KLHL30: variants seen among roughly 807,000 people sequenced by gnomAD.
The protein encoded by KLHL30 is kelch like family member 30.
KLHL30 carries 55 observed loss-of-function variants against 55.0 expected under a neutral mutation model. The ratio of observed to expected loss-of-function variants is 1.00; its 90% CI spans 0.80 to 1.25. KLHL30 has a LOEUF of 1.25. KLHL30 is among the 50% of genes most tolerant of loss of function. The pLI is 0.00. For missense variants in KLHL30, 786 were observed against 811.6 expected (o/e 0.97, Z 0.38); for synonymous variants, 356 against 372.6 (o/e 0.96, Z 0.51).
intron 1 of KLHL30, among the ~76,000 whole-genome samples, chr2:238,139,415 T>C (rs1190700355): frequency 6.6e-6 from 1 of 151,984 alleles, no homozygotes; most frequent in Non-Finnish European, 1.5e-5. Context: ...ATGCATGCAG[T>C]GTTGGGTGGG....
rs779828832 is a variant in KLHL30 at position 238,141,262 on chromosome 2, G to C, written c.508G>C (p.Glu170Gln). The change falls in exon 2 of 8, where the codon GAG becomes CAG. Residue 170 changes from glutamate to glutamine, a missense_variant. Glu to Gln is a conservative substitution (Grantham distance 29). Transcript: ENST00000409223. ...CTTTGAGGCTGTGGCACGTGAGGACGAGTTCCTGCAGCTTCCCCGAGAGCG... is the reference window on the plus strand; with the variant it reads ...CTTTGAGGCTGTGGCACGTGAGGACCAGTTCCTGCAGCTTCCCCGAGAGCG... ...ENFEAVAREDEFLQLPRERLV... is the reference protein window; with the variant it reads ...ENFEAVAREDQFLQLPRERLV... 1.2e-6 allele frequency: 2 copies of C among 1,604,826 alleles called. No individual in the cohort carries two copies. Among genetic ancestry groups the C allele is most frequent in the Non-Finnish European group, 1.7e-6 (2 of 1,179,234 alleles).
At position 238,140,942 on chromosome 2, in the gene KLHL30, C is replaced by T. The variant is rs867807772; in HGVS notation, c.188C>T (p.Ala63Val). The change falls in exon 2 of 8, where the codon GCG (alanine) becomes GTG (valine). Residue 63 changes from alanine to valine, a missense_variant. Physicochemically the swap from Ala to Val is moderately conservative, Grantham distance 64. Coordinates refer to ENST00000409223, the MANE Select transcript of KLHL30 (RefSeq NM_198582.4). ...AGCCCCTACTTCCATGCCATGTTTGCGGGTGACTTCGCCGAGAGCTTCTCT... is the reference window on the plus strand; with the variant it reads ...AGCCCCTACTTCCATGCCATGTTTGTGGGTGACTTCGCCGAGAGCTTCTCT... ...LSSPYFHAMF[A>V]GDFAESFSAR... 3 of 1,611,490 alleles carry T rather than the reference C, an allele frequency of 1.9e-6. No homozygotes were observed. Among genetic ancestry groups the T allele is most frequent in the African/African-American group, 2.7e-5 (2 of 75,040 alleles).
chr2:238,145,427 A>G (rs1412374888), intron 4 of KLHL30, among the ~76,000 whole-genome samples: 1 of 152,082 alleles, frequency 6.6e-6, no homozygotes, highest in Non-Finnish European at 1.5e-5. Context: ...GGTTCCTTGT[A>G]AGATTTGGGA....
chr2:238,149,468 C>T lies in KLHL30; in HGVS notation c.1485+316C>T, dbSNP rs555052720. On this transcript the variant is annotated intron_variant, in intron 7 of 7. Coordinates refer to ENST00000409223, the MANE Select transcript of KLHL30 (RefSeq NM_198582.4). Reference sequence around the variant, plus strand: ...TGGCGCAGGCTGAGATCCCCCCAGGCTACAAGGTGACAATAGTGCCCTGGC... The same window carrying T: ...TGGCGCAGGCTGAGATCCCCCCAGGTTACAAGGTGACAATAGTGCCCTGGC... Among the ~76,000 whole-genome samples the T allele has an allele frequency of 2.6e-5, 4 of 152,328 alleles. No homozygotes were observed. In the East Asian group the frequency reaches 7.7e-4, roughly 29 times the overall value.
At position 238,140,754 on chromosome 2, in the gene KLHL30, C is replaced by T. The variant is rs1406278854; in HGVS notation, c.-1C>T. On this transcript the variant is annotated 5_prime_UTR_variant, in exon 2 of 8. Transcript: ENST00000409223. ...TACTGAGGTCCCCTGGGCACGGCGT[C>T]ATGGTGCGGAACGTGGATGACCTGG... The T allele has an allele frequency of 1.3e-6, 2 of 1,509,638 alleles. No homozygotes were observed. The highest frequency in any genetic ancestry group is 1.3e-5 in the South Asian group (1 of 78,162). The allele number at this position is 1,509,638 out of a possible 1,614,324, so 93.5% of individuals were successfully genotyped here.
In KLHL30 at chr2:238,141,521, A is replaced by T. The variant is rs1692541372; in HGVS notation, c.767A>T (p.His256Leu). Residue 256 changes from histidine to leucine, a missense_variant, in exon 2 of 8, where the codon CAT (histidine) becomes CTT (leucine). Physicochemically the swap from His to Leu is moderately conservative, Grantham distance 99. Transcript: ENST00000409223. ...TGCCGGGCAGCCCTGTCCCAGGGCC[A>T]TGATGGGGTGAGTGAGCGGCTGGGA... is the stretch of plus-strand genomic sequence containing the variant. ...EACRAALSQGHDGAPLALQQK... is the reference protein window; with the variant it reads ...EACRAALSQGLDGAPLALQQK... 2 of 1,444,800 alleles carry T rather than the reference A, an allele frequency of 1.4e-6. No homozygotes were observed. The highest frequency in any genetic ancestry group is 1.8e-6 in the Non-Finnish European group (2 of 1,103,994). The allele number at this position is 1,444,800 out of a possible 1,614,324, so 89.5% of individuals were successfully genotyped here.
At chr2:238,150,359 C>T (rs1692731057) in intron 7 of KLHL30, among the ~76,000 whole-genome samples, 1 of 152,202 alleles carries the variant, frequency 6.6e-6, no homozygotes, top group Admixed American at 6.5e-5. Context: ...CACCCCACAA[C>T]CCCTCCCAGG....
intron 3 of KLHL30, among the ~76,000 whole-genome samples, chr2:238,143,680 C>T (rs888538052): frequency 6.6e-6 from 1 of 152,250 alleles, no homozygotes; most frequent in Non-Finnish European, 1.5e-5. Context: ...GGCTGGCAGG[C>T]TCCAGGAAGC....
chr2:238,149,775 A>G (rs935795546), intron 7 of KLHL30, among the ~76,000 whole-genome samples: 1 of 152,030 alleles, frequency 6.6e-6, no homozygotes, highest in African/African-American at 2.4e-5. Flanking sequence ...GTGCCATCCC[A>G]CCATGGCCCA....
chr2:238,142,953 A>T (rs762199656), intron 3 of KLHL30, 22 bp downstream of exon 3: 1 of 1,502,970 alleles, frequency 6.7e-7, no homozygotes, highest in Admixed American at 2.8e-5. Flanking sequence ...TCCCGCGTCC[A>T]GACCCACCTG....
intron 3 of KLHL30, among the ~76,000 whole-genome samples, chr2:238,144,402 G>GGAAGGAAGGAAGGAAGGAAGGAAT (rs1692599077): frequency 1.7e-5 from 2 of 114,468 alleles, no homozygotes; most frequent in Non-Finnish European, 3.5e-5. Context: ...AAGGAAGGAA[G>GGAAGGAAGGAAGGAAGGAAGGAAT]GAAGGAAGGA....
rs1394483468 is a variant in KLHL30 at position 238,150,808 on chromosome 2, G to A, written c.1486-6G>A. 5 of 1,577,268 alleles carry A rather than the reference G, an allele frequency of 3.2e-6. No individual in the cohort carries two copies. Among genetic ancestry groups the A allele is most frequent in the African/African-American group, 1.4e-5 (1 of 74,052 alleles). On this transcript the variant is annotated splice_polypyrimidine_tract_variant and splice_region_variant and intron_variant, in intron 7 of 7. Coordinates refer to ENST00000409223, the MANE Select transcript of KLHL30 (RefSeq NM_198582.4). Reference sequence around the variant, plus strand: ...CACCGGACGCTAACCCGCTGACCGTGCACAGGTGCAGTCACAGCACAGCCT... The same window carrying A: ...CACCGGACGCTAACCCGCTGACCGTACACAGGTGCAGTCACAGCACAGCCT...
rs550687861 is a variant in KLHL30, at chr2:238,143,215, C to T, written c.907+284C>T. Reference sequence around the variant, plus strand: ...CCTGGAGCCGGTGTACAGGCCTCCACGGCCAAGACTGCACCCTGTGGGGTG... The same window carrying T: ...CCTGGAGCCGGTGTACAGGCCTCCATGGCCAAGACTGCACCCTGTGGGGTG... On this transcript the variant is annotated intron_variant, in intron 3 of 7. Transcript: ENST00000409223. 1.1e-4 allele frequency among the ~76,000 whole-genome samples: 17 copies of T among 152,284 alleles called. 1 individual carries two copies. The East Asian group carries it at 2.3e-3, about 21-fold the overall frequency.
chr2:238,145,652 A>G (rs761124228), intron 4 of KLHL30, 25 bp from the exon 5 acceptor site: 4 of 1,563,140 alleles, frequency 2.6e-6, no homozygotes, highest in Non-Finnish European at 3.5e-6. Context: ...GGTGGCACCC[A>G]TGTAGACAGA....
chr2:238,144,459 G>GCAGGCAGGCAGGCAGC (rs1692611295), intron 3 of KLHL30, among the ~76,000 whole-genome samples: 1 of 148,928 alleles, frequency 6.7e-6, no homozygotes, highest in African/African-American at 2.5e-5. Context: ...AGGCAGGCAG[G>GCAGGCAGGCAGGCAGC]CAGGCAGGCA....
At position 238,140,446 on chromosome 2, in the gene KLHL30, G is replaced by A. The variant is rs1215416082; in HGVS notation, c.-70-239G>A. Among the ~76,000 whole-genome samples the A allele has an allele frequency of 2.0e-5, 3 of 152,172 alleles. No individual in the cohort carries two copies. In the South Asian group the frequency reaches 6.2e-4, roughly 32 times the overall value. ...TTCTGCCCTGAATGCCTGGCCATGGGTAGGTCTCCCACCCTCTCTGAACCT... is the reference window on the plus strand; with the variant it reads ...TTCTGCCCTGAATGCCTGGCCATGGATAGGTCTCCCACCCTCTCTGAACCT... On this transcript the variant is annotated intron_variant, in intron 1 of 7. Transcript: ENST00000409223.
chr2:238,149,256 T>A (rs1383637017), intron 7 of KLHL30, 104 bp downstream of exon 7: 3 of 1,465,422 alleles, frequency 2.0e-6, no homozygotes, highest in Non-Finnish European at 2.8e-6. Flanking sequence ...GAGGGCCCAC[T>A]GCGAAGGGGA....
chr2:238,140,447 T>C (rs561267908), intron 1 of KLHL30, among the ~76,000 whole-genome samples: 1 of 152,082 alleles, frequency 6.6e-6, no homozygotes, highest in Non-Finnish European at 1.5e-5. Flanking sequence ...TGGCCATGGG[T>C]AGGTCTCCCA....
chr2:238,142,955 A>C, intron 3 of KLHL30, 24 bp downstream of exon 3: 1 of 1,501,716 alleles, frequency 6.7e-7, no homozygotes, highest in Non-Finnish European at 8.8e-7. Flanking sequence ...CCGCGTCCAG[A>C]CCCACCTGCT....
Sources: allele counts gnomAD v4.1 joint callset (sites outside exome capture counted in the v4.1 genomes callset), GRCh38; gene constraint gnomAD v4.1.1; transcripts MANE v1.5; gene names NCBI Gene and HGNC (gene_info 2026-07-23, HGNC 2026-07-21).